MYH10: variants seen among roughly 807,000 people sequenced by gnomAD.
The protein encoded by MYH10 is myosin-10.
A neutral mutation model predicts 257.8 loss-of-function variants in MYH10; 55 were observed. That is an observed-to-expected ratio of 0.21 (90% CI 0.17 to 0.27). MYH10 has a LOEUF of 0.27. Among genes scored for constraint, MYH10 ranks in the 10% least tolerant of loss-of-function variants. MYH10 has a pLI of 1.00. For synonymous variants in MYH10, 854 were observed against 921.7 expected (o/e 0.93, Z 1.33); for missense variants, 1,631 against 2,500.6 (o/e 0.65, Z 7.42).
At chr17:8,526,558 A>G (rs942391280) in intron 17 of MYH10, among the ~76,000 whole-genome samples, 1 of 152,234 alleles carries the variant, frequency 6.6e-6, no homozygotes, top group Non-Finnish European at 1.5e-5. Flanking sequence ...TTACTAATCT[A>G]TAACAATGTA....
intron 3 of MYH10, among the ~76,000 whole-genome samples, chr17:8,598,627 TG>T (rs1448025176): frequency 6.6e-6 from 1 of 152,188 alleles, no homozygotes; most frequent in Non-Finnish European, 1.5e-5. Context: ...TCTTTCCTAA[TG>T]AAAACGTTTA....
At position 8,493,904 on chromosome 17, in the gene MYH10, G is replaced by C. The variant is rs1384856453; in HGVS notation, c.4057-19C>G. ...GAAGCTCCTGTGTTTTTTTTTTAAA[G>C]GGCAACACTTCCATTACATTTATCA... On this transcript the variant is annotated intron_variant, in intron 31 of 42. Transcript: ENST00000360416. The C allele has an allele frequency of 1.3e-5, 20 of 1,587,962 alleles. No homozygotes were observed. Among genetic ancestry groups the C allele is most frequent in the Non-Finnish European group, 1.6e-5 (19 of 1,171,644 alleles).
intron 4 of MYH10, among the ~76,000 whole-genome samples, chr17:8,587,935 T>C (rs567679946): frequency 6.6e-6 from 1 of 152,148 alleles, no homozygotes; most frequent in African/African-American, 2.4e-5. Flanking sequence ...CCCAGTCCAC[T>C]CCAGCACCCT....
In MYH10 at chr17:8,474,855, G is replaced by C. The variant is rs978547223; in HGVS notation, c.*949C>G. On this transcript the variant is annotated 3_prime_UTR_variant, in exon 43 of 43. Transcript: ENST00000360416. The stretch of plus-strand genomic sequence containing the variant: ...CTCCATAAACCTCATTGACAAACTT[G>C]GAACAAGCCTCGGACACAAAACCAA... The C allele has an allele frequency of 6.6e-6, 1 of 152,666 alleles. No individual in the cohort carries two copies. Among genetic ancestry groups the C allele is most frequent in the African/African-American group, 2.4e-5 (1 of 41,438 alleles). 9.5% of individuals were successfully genotyped at this position (152,666 alleles called of 1,614,324 possible). A position where few individuals can be genotyped will look rare whatever the true frequency, so the allele number is the denominator to read the frequency against.
Position 8,474,528 on chromosome 17 carries a change from T to G in MYH10, c.*1276A>C, listed in dbSNP as rs1268971424. 3 of 152,660 alleles carry G rather than the reference T, an allele frequency of 2.0e-5. No homozygotes were observed. Among genetic ancestry groups the G allele is most frequent in the Non-Finnish European group, 4.4e-5 (3 of 68,040 alleles). 9.5% of individuals were successfully genotyped at this position (152,660 alleles called of 1,614,324 possible). A position where few individuals can be genotyped will look rare whatever the true frequency, so the allele number is the denominator to read the frequency against. ...TTGCAGAGGATCAAGGATTTAGAAT[T>G]AACACTGATTCATTGTCACTGAATG... On this transcript the variant is annotated 3_prime_UTR_variant, in exon 43 of 43. Transcript: ENST00000360416.
intron 35 of MYH10, among the ~76,000 whole-genome samples, chr17:8,489,745 A>ACACACACACACACACACACC (rs1258993754): frequency 2.4e-4 from 36 of 150,788 alleles, no homozygotes; most frequent in South Asian, 8.4e-4. Flanking sequence ...ACACACACAC[A>ACACACACACACACACACACC]CCCCAAATCC....
At chr17:8,502,081 A>G (rs931194306) in intron 28 of MYH10, among the ~76,000 whole-genome samples, 1 of 152,230 alleles carries the variant, frequency 6.6e-6, no homozygotes, top group Non-Finnish European at 1.5e-5. Flanking sequence ...CCTGAAGCAC[A>G]CTGCTAGCAA....
chr17:8,535,752 T>G lies in MYH10; in HGVS notation c.1779+6A>C, dbSNP rs1019119288. ...TAATCCAGTTATTCAACATAAGAGC[T>G]CTTACCTTCCCTGCATAATGTATAA... On this transcript the variant is annotated splice_donor_region_variant and intron_variant, in intron 15 of 42. Transcript: ENST00000360416. This position sits in a 1 kb window ranked among gnomAD's most constrained non-coding sequence, Gnocchi z 4.3. 6.2e-7 allele frequency: 1 copy of G among 1,611,178 alleles called. No homozygotes were observed. Among genetic ancestry groups the G allele is most frequent in the South Asian group, 1.1e-5 (1 of 90,820 alleles).
chr17:8,554,119 C>A, intron 7 of MYH10, 101 bp from the exon 8 acceptor site: 2 of 782,814 alleles, frequency 2.6e-6, no homozygotes, highest in Admixed American at 2.2e-5. Flanking sequence ...GAATTAGTTA[C>A]AATAATGGAT....
At chr17:8,618,752 G>A (rs2085357677) in intron 2 of MYH10, among the ~76,000 whole-genome samples, 1 of 152,012 alleles carries the variant, frequency 6.6e-6, no homozygotes, top group South Asian at 2.1e-4. Context: ...ACATTTTACT[G>A]TATGACATCA....
At chr17:8,493,386 GA>G (rs1041455835) in intron 32 of MYH10, among the ~76,000 whole-genome samples, 212 of 145,302 alleles carry the variant, frequency 1.5e-3, no homozygotes, top group African/African-American at 4.9e-3. Context: ...TGCCTTTGAA[GA>G]AAAAAAAAAC....
chr17:8,508,144 C>CA (rs1223199574), intron 26 of MYH10, among the ~76,000 whole-genome samples: 1 of 152,124 alleles, frequency 6.6e-6, no homozygotes, highest in Non-Finnish European at 1.5e-5. Flanking sequence ...TGGGCACAAG[C>CA]AATTCTGCTG....
Position 8,622,762 on chromosome 17 carries a change from ATCTT to A in MYH10, c.345+136_345+139del, listed in dbSNP as rs1162859823. The A allele has an allele frequency of 4.7e-6, 5 of 1,064,322 alleles. No individual in the cohort carries two copies. In the African/African-American group the frequency reaches 4.9e-5, roughly 10 times the overall value. 65.9% of individuals were successfully genotyped at this position (1,064,322 alleles called of 1,614,324 possible). A position where few individuals can be genotyped will look rare whatever the true frequency, so the allele number is the denominator to read the frequency against. On this transcript the variant is annotated intron_variant, in intron 2 of 42. Transcript: ENST00000360416. The stretch of plus-strand genomic sequence containing the variant: ...CAAGACATGGGTAAGCAAGCAACAA[ATCTT>A]TCTATCTTAAAGAGAAATAGAAATG...
intron 7 of MYH10, among the ~76,000 whole-genome samples, chr17:8,557,165 C>T (rs1192897089): frequency 6.6e-6 from 1 of 152,006 alleles, no homozygotes; most frequent in East Asian, 1.9e-4. Context: ...AGTTCCTCAG[C>T]TATATTTTAT....
rs188494587 is a variant in MYH10, at chr17:8,556,461, C to G, written c.757-2443G>C. On this transcript the variant is annotated intron_variant, in intron 7 of 42. Coordinates refer to ENST00000360416, the MANE Select transcript of MYH10 (RefSeq NM_001256012.3). The stretch of plus-strand genomic sequence containing the variant: ...GACAAGGAATAAACCAGGGACACAC[C>G]CAACAACGTGGATGGATCTAAAAAG... Among the ~76,000 whole-genome samples the G allele has an allele frequency of 8.9e-4, 136 of 152,280 alleles. 1 individual carries two copies. The highest frequency in any genetic ancestry group is 3.1e-3 in the African/African-American group (129 of 41,538).
At chr17:8,526,972 T>C (rs1043246367) in intron 17 of MYH10, among the ~76,000 whole-genome samples, 1 of 152,232 alleles carries the variant, frequency 6.6e-6, no homozygotes. Context: ...TCATGAAAGG[T>C]ATCCAGTGCC....
chr17:8,487,355 C>G, intron 36 of MYH10, 78 bp downstream of exon 36: 1 of 1,564,338 alleles, frequency 6.4e-7, no homozygotes, highest in South Asian at 1.1e-5. Context: ...TGCCCCCCAG[C>G]TTCACTGCTG....
chr17:8,499,688 G>A (rs552531695), intron 29 of MYH10, among the ~76,000 whole-genome samples: 26 of 152,320 alleles, frequency 1.7e-4, no homozygotes, highest in African/African-American at 6.3e-4. Flanking sequence ...AGGAGCAGAT[G>A]CAGATATTTA....
chr17:8,546,418 AG>A, intron 12 of MYH10, 125 bp downstream of exon 12: 2 of 687,760 alleles, frequency 2.9e-6, no homozygotes, highest in Non-Finnish European at 2.3e-6. Flanking sequence ...AAACTCATTT[AG>A]TACCTAAAAA....
Sources: allele counts gnomAD v4.1 joint callset (sites outside exome capture counted in the v4.1 genomes callset), GRCh38; gene constraint gnomAD v4.1.1; non-coding constraint Gnocchi (gnomAD v3.1); transcripts MANE v1.5; gene names NCBI Gene and HGNC (gene_info 2026-07-23, HGNC 2026-07-21).